The following TBC1D30 variants were observed in gnomAD, a reference collection of about 807,000 sequenced individuals.
TBC1D30 encodes the protein TBC1 domain family member 30, also known as TBC1 domain family, member 30.
TBC1D30 carries 31 observed loss-of-function variants against 63.2 expected under a neutral mutation model. That is an observed-to-expected ratio of 0.49 (90% CI 0.37 to 0.66). The LOEUF is 0.66. Ranked by LOEUF, TBC1D30 falls within the 30% of genes least tolerant of loss-of-function variation. The pLI, the probability that TBC1D30 is intolerant of heterozygous loss-of-function variation, is 0.00. For missense variants in TBC1D30, 810 were observed against 953.6 expected (o/e 0.85, Z 1.98); for synonymous variants, 307 against 361.5 (o/e 0.85, Z 1.71).
intron 1 of TBC1D30, among the ~76,000 whole-genome samples, chr12:64,781,478 T>C (rs1871284641): frequency 6.6e-6 from 1 of 152,146 alleles, no homozygotes; most frequent in Admixed American, 6.5e-5. Flanking sequence ...TCCGGAGTAA[T>C]TGAATCAAGC....
intron 1 of TBC1D30, chr12:64,781,292 G>A: frequency 1.8e-6 from 2 of 1,121,246 alleles, no homozygotes; most frequent in Non-Finnish European, 2.2e-6. Flanking sequence ...GAAAGGTGAG[G>A]GCCGGGCGCA....
intron 8 of TBC1D30, among the ~76,000 whole-genome samples, chr12:64,854,885 T>C (rs902595009): frequency 2.0e-5 from 3 of 152,214 alleles, no homozygotes; most frequent in African/African-American, 7.2e-5. Flanking sequence ...GTGCTTACTA[T>C]TACCAGTGAG....
At chr12:64,806,997 A>G (rs1299216288) in intron 2 of TBC1D30, among the ~76,000 whole-genome samples, 1 of 152,186 alleles carries the variant, frequency 6.6e-6, no homozygotes, top group Non-Finnish European at 1.5e-5. Flanking sequence ...ATAGAGACAG[A>G]AAGTTTAATG....
At chr12:64,772,507 G>A (rs1870943334) in intron 1 of TBC1D30, among the ~76,000 whole-genome samples, 1 of 151,898 alleles carries the variant, frequency 6.6e-6, no homozygotes, top group Non-Finnish European at 1.5e-5. Context: ...TCGGCTTACT[G>A]CAACCTCCGC....
At chr12:64,815,892 TC>T (rs1197333077) in intron 2 of TBC1D30, among the ~76,000 whole-genome samples, 1 of 152,042 alleles carries the variant, frequency 6.6e-6, no homozygotes, top group Non-Finnish European at 1.5e-5. Flanking sequence ...GCTCAGGTGA[TC>T]CGCCCCAGTA....
intron 2 of TBC1D30, among the ~76,000 whole-genome samples, chr12:64,793,476 T>C (rs1872057270): frequency 1.5e-5 from 2 of 131,184 alleles, no homozygotes; most frequent in African/African-American, 5.9e-5. Flanking sequence ...AAACCCCGTC[T>C]CTACCAAAAA....
chr12:64,813,919 T>G (rs547025870), intron 2 of TBC1D30, among the ~76,000 whole-genome samples: 42 of 152,216 alleles, frequency 2.8e-4, no homozygotes, highest in African/African-American at 9.2e-4. Context: ...CAACAATGAG[T>G]ACGACTTAGT....
intron 2 of TBC1D30, among the ~76,000 whole-genome samples, chr12:64,788,732 A>G (rs1871742989): frequency 6.6e-6 from 1 of 152,184 alleles, no homozygotes; most frequent in African/African-American, 2.4e-5. Flanking sequence ...ATTTCAGAGA[A>G]TACAGGGTTG....
Position 64,875,444 on chromosome 12 carries a change from G to A in TBC1D30, c.1942G>A (p.Asp648Asn). 1 of 1,536,210 alleles carries A rather than the reference G, an allele frequency of 6.5e-7. No individual in the cohort carries two copies. The highest frequency in any genetic ancestry group is 1.4e-5 in the African/African-American group (1 of 73,146). Residue 648 changes from aspartate to asparagine, a missense_variant, in exon 12 of 12, where the codon GAT becomes AAT. By Grantham distance (23) the Asp-to-Asn change is conservative (BLOSUM62 1). This residue lies in a region of TBC1D30 where 450 missense variants were observed against 473.0 expected (regional missense o/e 0.95). Coordinates refer to ENST00000539867, the MANE Select transcript of TBC1D30 (RefSeq NM_015279.2). ...PEPVFGDADVDVSAVQAKLGA... is the reference protein window; with the variant it reads ...PEPVFGDADVNVSAVQAKLGA... ...GCCGGTGTTCGGAGATGCTGATGTGGATGTGTCTGCAGTTCAGGCGAAGTT... is the reference window on the plus strand; with the variant it reads ...GCCGGTGTTCGGAGATGCTGATGTGAATGTGTCTGCAGTTCAGGCGAAGTT...
intron 8 of TBC1D30, among the ~76,000 whole-genome samples, chr12:64,853,337 C>T (rs1402423791): frequency 6.6e-6 from 1 of 152,184 alleles, no homozygotes; most frequent in Non-Finnish European, 1.5e-5. Context: ...GACGTCCCTA[C>T]CCCCACCAAG....
At chr12:64,801,142 C>G (rs1268570998) in intron 2 of TBC1D30, among the ~76,000 whole-genome samples, 1 of 152,166 alleles carries the variant, frequency 6.6e-6, no homozygotes, top group African/African-American at 2.4e-5. Flanking sequence ...CTTTATACAT[C>G]TGTCTTCTCT....
chr12:64,871,059 C>T (rs1401064528), intron 11 of TBC1D30, among the ~76,000 whole-genome samples: 1 of 152,188 alleles, frequency 6.6e-6, no homozygotes, highest in Non-Finnish European at 1.5e-5. Flanking sequence ...CACGTCTCTA[C>T]TGTGTGTGCT....
intron 1 of TBC1D30, among the ~76,000 whole-genome samples, chr12:64,771,420 C>G (rs1183069436): frequency 6.6e-6 from 1 of 152,088 alleles, no homozygotes; most frequent in Non-Finnish European, 1.5e-5. Flanking sequence ...GAGTTAGGTT[C>G]TCCTGGATCT....
rs2136501040 is a variant in TBC1D30 at position 64,878,632 on chromosome 12, A to C, written c.*2844A>C. 2.3e-6 allele frequency: 1 copy of C among 439,862 alleles called. No homozygotes were observed. The highest frequency in any genetic ancestry group is 2.0e-5 in the African/African-American group (1 of 49,828). 27.2% of individuals were successfully genotyped at this position (439,862 alleles called of 1,614,324 possible). ...TATGCATAAAGATTCTCATTGTTGTAACTGTTCTGCCATTTTCTGAGTGCA... is the reference window on the plus strand; with the variant it reads ...TATGCATAAAGATTCTCATTGTTGTCACTGTTCTGCCATTTTCTGAGTGCA... On this transcript the variant is annotated 3_prime_UTR_variant, in exon 12 of 12. Coordinates refer to ENST00000539867, the MANE Select transcript of TBC1D30 (RefSeq NM_015279.2).
At chr12:64,765,849 T>C (rs75076782) in intron 1 of TBC1D30, among the ~76,000 whole-genome samples, 1 of 107,232 alleles carries the variant, frequency 9.3e-6, no homozygotes, top group African/African-American at 3.4e-5. Context: ...AAAAAAAAAA[T>C]ACAATACACA....
intron 1 of TBC1D30, among the ~76,000 whole-genome samples, chr12:64,770,708 CTTT>C (rs756602085): frequency 6.9e-6 from 1 of 144,014 alleles, no homozygotes; most frequent in Non-Finnish European, 1.5e-5. Flanking sequence ...CCTTTTTCTT[CTTT>C]TTTTTTTTTT....
intron 6 of TBC1D30, 117 bp downstream of exon 6, chr12:64,836,775 G>A: frequency 9.5e-7 from 1 of 1,057,098 alleles, no homozygotes; most frequent in African/African-American, 1.6e-5. Flanking sequence ...TAAGAGCTTG[G>A]TGTAATGAAA....
intron 8 of TBC1D30, among the ~76,000 whole-genome samples, chr12:64,861,029 A>G (rs964890171): frequency 6.6e-6 from 1 of 152,208 alleles, no homozygotes; most frequent in Admixed American, 6.5e-5. Context: ...GGAATTTCCA[A>G]TCTTAGGTAT....
intron 8 of TBC1D30, among the ~76,000 whole-genome samples, chr12:64,848,396 G>C (rs1307191128): frequency 6.6e-6 from 1 of 152,006 alleles, no homozygotes; most frequent in South Asian, 2.1e-4. Context: ...TCGATGTTAG[G>C]TATTTCTCCT....
Sources: allele counts gnomAD v4.1 joint callset (sites outside exome capture counted in the v4.1 genomes callset), GRCh38; gene constraint gnomAD v4.1.1; regional missense constraint gnomAD v4.1.1; transcripts MANE v1.5; gene names NCBI Gene and HGNC (gene_info 2026-07-23, HGNC 2026-07-21).